Variants in TNPO3 observed in about 807,000 individuals in gnomAD.
The protein encoded by TNPO3 is transportin-3.
In TNPO3, 65 loss-of-function variants were observed where a neutral mutation model predicts 122.8. The observed-to-expected ratio is 0.53, with a 90% CI of 0.43 to 0.65. The LOEUF is 0.65. Ranked by LOEUF, TNPO3 falls within the 30% of genes least tolerant of loss-of-function variation. The pLI is 0.00. For synonymous variants in TNPO3, 372 were observed against 411.2 expected, an observed-to-expected ratio of 0.90 and a Z score of 1.15; for missense variants, 850 against 1,136.7, an observed-to-expected ratio of 0.75 and a Z score of 3.63.
In TNPO3 at chr7:129,022,966, G is replaced by A. The variant is rs141774154; in HGVS notation, c.121-4809C>T. Among the ~76,000 whole-genome samples, 14 of 152,254 alleles carry A rather than the reference G, an allele frequency of 9.2e-5. No individual in the cohort carries two copies. The South Asian group carries it at 1.0e-3, about 11-fold the overall frequency. On this transcript the variant is annotated intron_variant, in intron 1 of 22. Coordinates refer to ENST00000265388, the MANE Select transcript of TNPO3 (RefSeq NM_012470.4). ...CAACAATTAAGAATAAATGAAAGTC[G>A]AAAGAGAAGTGGTATGTAATGATTA...
intron 14 of TNPO3, 59 bp from the exon 15 acceptor site, chr7:128,980,090 A>G: frequency 1.4e-6 from 2 of 1,447,210 alleles, no homozygotes; most frequent in Admixed American, 1.7e-5. Flanking sequence ...GAGGACCCAG[A>G]GCCCTGATCC....
At chr7:129,010,371 T>C (rs1803051294) in intron 4 of TNPO3, among the ~76,000 whole-genome samples, 2 of 152,142 alleles carry the variant, frequency 1.3e-5, no homozygotes. Context: ...TCTTGCTATG[T>C]TGCCCAGGCT....
rs62478616 is a variant in TNPO3, at chr7:129,053,157, C to G, written c.120+1494G>C. ...TGGCCAACATGGCGAAACCCCGTTT[C>G]TACTAAAAAATACAAAAATTAGCTG... is the stretch of plus-strand genomic sequence containing the variant. On this transcript the variant is annotated intron_variant, in intron 1 of 22. Transcript: ENST00000265388. Among the ~76,000 whole-genome samples the G allele has an allele frequency of 7.2e-3, 1,088 of 152,148 alleles. 4 individuals are homozygous for G. The highest frequency in any genetic ancestry group is 0.011 in the Non-Finnish European group (729 of 67,988).
intron 6 of TNPO3, 108 bp downstream of exon 6, chr7:129,000,951 T>A: frequency 7.5e-7 from 1 of 1,342,144 alleles, no homozygotes; most frequent in Non-Finnish European, 1.0e-6. Flanking sequence ...ATCTGTACTT[T>A]ACAGAATCAC....
intron 5 of TNPO3, among the ~76,000 whole-genome samples, chr7:129,002,587 A>T (rs1257233686): frequency 6.6e-6 from 1 of 152,230 alleles, no homozygotes; most frequent in Non-Finnish European, 1.5e-5. Context: ...ATTGAATAGT[A>T]GGTTCAAAGA....
intron 14 of TNPO3, among the ~76,000 whole-genome samples, chr7:128,980,518 G>A (rs901350297): frequency 1.3e-5 from 2 of 152,018 alleles, no homozygotes; most frequent in Non-Finnish European, 2.9e-5. Context: ...TGGTGGTGGT[G>A]CATGCCTATA....
Position 128,959,494 on chromosome 7 carries a change from CAG to C in TNPO3, c.2712-2181_2712-2180del, listed in dbSNP as rs571925862. Among the ~76,000 whole-genome samples the C allele has an allele frequency of 7.1e-4, 108 of 152,272 alleles. 4 individuals carry two copies. The South Asian group carries it at 0.022, about 31-fold the overall frequency. Reference sequence around the variant, plus strand: ...TACAGGCGTGAGTCACTGTGCCCAGCAGAGACTTTGGAAATGATAACTTCACA... The same window carrying C: ...TACAGGCGTGAGTCACTGTGCCCAGCAGACTTTGGAAATGATAACTTCACA... On this transcript the variant is annotated intron_variant, in intron 21 of 22. Coordinates refer to ENST00000265388, the MANE Select transcript of TNPO3 (RefSeq NM_012470.4).
chr7:129,001,936 G>C (rs1268398733), intron 5 of TNPO3, among the ~76,000 whole-genome samples: 1 of 152,048 alleles, frequency 6.6e-6, no homozygotes, highest in Non-Finnish European at 1.5e-5. Context: ...AAAATGAAAG[G>C]GCTCAACAAG....
intron 1 of TNPO3, among the ~76,000 whole-genome samples, chr7:129,040,581 T>C (rs1807257884): frequency 6.6e-6 from 1 of 152,192 alleles, no homozygotes; most frequent in Non-Finnish European, 1.5e-5. Context: ...GTGCACTTTA[T>C]GTAAGAAAAT....
intron 21 of TNPO3, among the ~76,000 whole-genome samples, chr7:128,960,029 G>A (rs188711413): frequency 1.2e-4 from 19 of 152,064 alleles, no homozygotes; most frequent in African/African-American, 4.3e-4. Flanking sequence ...TCAAAAAAAC[G>A]AAAAAGCTCC....
At chr7:129,027,590 A>C (rs1337196789) in intron 1 of TNPO3, among the ~76,000 whole-genome samples, 4 of 54,944 alleles carry the variant, frequency 7.3e-5, no homozygotes, top group Non-Finnish European at 1.6e-4. Flanking sequence ...AAAAAAAAAA[A>C]ACAACACAAA....
chr7:129,038,485 T>C (rs530532384), intron 1 of TNPO3, among the ~76,000 whole-genome samples: 6 of 152,178 alleles, frequency 3.9e-5, no homozygotes, highest in Admixed American at 1.3e-4. Flanking sequence ...ACTGGATGTA[T>C]ACCCAAAGGA....
intron 21 of TNPO3, among the ~76,000 whole-genome samples, chr7:128,961,406 C>A (rs1382277046): frequency 6.6e-6 from 1 of 152,112 alleles, no homozygotes; most frequent in African/African-American, 2.4e-5. Context: ...AGCCTAGGAG[C>A]AATAGGCTAC....
At chr7:128,995,997 T>C (rs750961501) in intron 8 of TNPO3, among the ~76,000 whole-genome samples, 53 of 152,216 alleles carry the variant, frequency 3.5e-4, no homozygotes, top group East Asian at 1.9e-4. Context: ...CCACGCCCAG[T>C]TGGATTCTTC....
chr7:129,037,119 T>C (rs1469144580), intron 1 of TNPO3, among the ~76,000 whole-genome samples: 1 of 152,208 alleles, frequency 6.6e-6, no homozygotes, highest in East Asian at 1.9e-4. Flanking sequence ...GTAAATCCAA[T>C]TAACACTGAT....
intron 4 of TNPO3, among the ~76,000 whole-genome samples, chr7:129,010,075 T>G (rs1418299030): frequency 2.6e-5 from 4 of 152,224 alleles, no homozygotes; most frequent in Admixed American, 2.6e-4. Context: ...AATTAAGATT[T>G]ATCCTACCTT....
intron 5 of TNPO3, 123 bp from the exon 6 acceptor site, chr7:129,001,357 T>G (rs1052228978): frequency 1.3e-6 from 1 of 772,698 alleles, no homozygotes; most frequent in Non-Finnish European, 1.9e-6. Context: ...TATAAGTAAA[T>G]AATAATACAA....
Position 129,015,066 on chromosome 7 carries a change from A to G in TNPO3, c.465T>C (p.His155=), listed in dbSNP as rs951238220. The G allele has an allele frequency of 1.8e-5, 29 of 1,612,774 alleles. No homozygotes were observed. The highest frequency in any genetic ancestry group is 2.7e-5 in the African/African-American group (2 of 74,886). The change falls in exon 4 of 23, where the codon CAT becomes CAC. Residue 155 remains histidine, a synonymous_variant. Coordinates refer to ENST00000265388, the MANE Select transcript of TNPO3 (RefSeq NM_012470.4). ...TAGCTCCAATTCGTAAGGAACGACT[A>G]TGTACTTCTTCAGGTAACACTGTAA... ...EILTVLPEEV[H]SRSLRIGANR... is the part of the protein sequence containing the mutation.
intron 1 of TNPO3, among the ~76,000 whole-genome samples, chr7:129,038,870 A>G (rs772312626): frequency 2.0e-5 from 3 of 152,186 alleles, no homozygotes; most frequent in East Asian, 1.9e-4. Context: ...AAAATAATTA[A>G]TGGGTCCTGG....
Sources: gnomAD v4.1 joint callset for allele counts (sites outside exome capture counted in the v4.1 genomes callset) on GRCh38, gnomAD v4.1.1 for gene constraint, MANE v1.5 for transcripts, NCBI Gene and HGNC (gene_info 2026-07-23, HGNC 2026-07-21) for gene names.